THSD7A: variants seen among roughly 807,000 people sequenced by gnomAD.
The protein encoded by THSD7A is thrombospondin type 1 domain containing 7A.
In THSD7A, 96 loss-of-function variants were observed where a neutral mutation model predicts 231.3. The observed-to-expected ratio is 0.41, with a 90% CI of 0.35 to 0.49. THSD7A has a LOEUF of 0.49. Among genes scored for constraint, THSD7A ranks in the 20% least tolerant of loss-of-function variants. The probability of loss-of-function intolerance (pLI) is 0.05; values close to 1 mark genes in which losing one functional copy is unlikely to be tolerated. For synonymous variants in THSD7A, 940 were observed against 743.3 expected, an observed-to-expected ratio of 1.26 and a Z score of -4.30; for missense variants, 2,290 against 2,070.2, an observed-to-expected ratio of 1.11 and a Z score of -2.06.
chr7:11,685,198 C>T (rs1280232768), intron 1 of THSD7A, among the ~76,000 whole-genome samples: 1 of 151,788 alleles, frequency 6.6e-6, no homozygotes, highest in South Asian at 2.1e-4. Context: ...TTGACCTATA[C>T]CTCTCATCAT....
At chr7:11,675,269 C>A (rs1477637393) in intron 1 of THSD7A, among the ~76,000 whole-genome samples, 2 of 152,138 alleles carry the variant, frequency 1.3e-5, no homozygotes, top group South Asian at 2.1e-4. Context: ...TCTTCACAAC[C>A]CACAGACCAG....
At chr7:11,702,139 T>A (rs189516883) in intron 1 of THSD7A, among the ~76,000 whole-genome samples, 14 of 151,364 alleles carry the variant, frequency 9.2e-5, no homozygotes, top group African/African-American at 3.4e-4. Flanking sequence ...TCTATTGCTG[T>A]TTAACAGATC....
chr7:11,389,612 C>T (rs1782903566), intron 23 of THSD7A, among the ~76,000 whole-genome samples: 1 of 151,874 alleles, frequency 6.6e-6, no homozygotes, highest in Non-Finnish European at 1.5e-5. Context: ...GGGCATTTAG[C>T]CCATTTACAT....
At position 11,590,531 on chromosome 7, in the gene THSD7A, G is replaced by A. The variant is rs748568990; in HGVS notation, c.1382C>T (p.Thr461Ile). The part of the protein sequence containing the change: ...QTALCGGGIQ[T>I]REVYCVQANE... ...GGCCTGCACGCAGTACACCTCTCGG[G>A]TCTGGATGCCCCCTCCACAGAGGGC... Residue 461 changes from threonine to isoleucine, a missense_variant, in exon 4 of 28, where the codon ACC becomes ATC. Thr to Ile is a moderately conservative substitution (Grantham distance 89). Transcript: ENST00000423059. The surrounding 1 kb of genome is among the most constrained non-coding windows in gnomAD (Gnocchi z 4.4). 6.2e-7 allele frequency: 1 copy of A among 1,613,918 alleles called. No homozygotes were observed. The highest frequency in any genetic ancestry group is 8.5e-7 in the Non-Finnish European group (1 of 1,179,850).
chr7:11,473,839 C>G (rs745474390), intron 8 of THSD7A, among the ~76,000 whole-genome samples: 4 of 152,114 alleles, frequency 2.6e-5, no homozygotes, highest in African/African-American at 7.2e-5. Flanking sequence ...GGTTTTTACT[C>G]TAACCATTGA....
intron 24 of THSD7A, among the ~76,000 whole-genome samples, chr7:11,382,075 T>G (rs750438289): frequency 7.9e-5 from 12 of 152,156 alleles, no homozygotes; most frequent in Non-Finnish European, 1.5e-4. Flanking sequence ...AATCATAGAC[T>G]TCTGAATTTA....
intron 1 of THSD7A, among the ~76,000 whole-genome samples, chr7:11,743,333 T>C (rs1408317374): frequency 6.6e-6 from 1 of 151,906 alleles, no homozygotes; most frequent in East Asian, 1.9e-4. Context: ...TGTATAGCAA[T>C]TGAAAATAAA....
intron 23 of THSD7A, chr7:11,384,981 T>C (rs1330875286): frequency 6.6e-6 from 1 of 151,954 alleles, no homozygotes; most frequent in Non-Finnish European, 1.5e-5. Context: ...CGTTTTAGTT[T>C]CATATCTTCC....
chr7:11,496,607 G>A (rs1174019737), intron 6 of THSD7A, among the ~76,000 whole-genome samples: 1 of 152,120 alleles, frequency 6.6e-6, no homozygotes, highest in East Asian at 1.9e-4. Context: ...ACTATCTAAT[G>A]CACTAAGGAA....
At chr7:11,681,216 G>C (rs542150718) in intron 1 of THSD7A, among the ~76,000 whole-genome samples, 1 of 152,146 alleles carries the variant, frequency 6.6e-6, no homozygotes, top group South Asian at 2.1e-4. Flanking sequence ...TGGGGAGCAA[G>C]TGGAGGGATA....
chr7:11,427,566 AAT>A (rs1358024970), intron 14 of THSD7A, among the ~76,000 whole-genome samples: 2 of 152,200 alleles, frequency 1.3e-5, no homozygotes, highest in Non-Finnish European at 2.9e-5. Flanking sequence ...CACAGATTTT[AAT>A]TGCATATCTG....
intron 4 of THSD7A, among the ~76,000 whole-genome samples, chr7:11,558,227 C>G (rs1789930474): frequency 6.6e-6 from 1 of 152,020 alleles, no homozygotes; most frequent in South Asian, 2.1e-4. Flanking sequence ...CTTTCAAAGT[C>G]TTTTTATGGT....
intron 1 of THSD7A, among the ~76,000 whole-genome samples, chr7:11,706,068 G>A (rs183954304): frequency 6.6e-6 from 1 of 151,058 alleles, no homozygotes; most frequent in African/African-American, 2.4e-5. Context: ...CTTATAAAAT[G>A]TTTCAGAATT....
intron 6 of THSD7A, among the ~76,000 whole-genome samples, chr7:11,511,466 G>A (rs185230026): frequency 2.6e-5 from 4 of 152,260 alleles, no homozygotes; most frequent in Admixed American, 6.5e-5. Context: ...AAAACAGCCC[G>A]CATTGCTAAG....
At chr7:11,713,570 C>T (rs2355067) in intron 1 of THSD7A, among the ~76,000 whole-genome samples, 115,559 of 151,070 alleles carry the variant, frequency 0.76, 44,785 homozygotes, top group African/African-American at 0.9. Context: ...AGTAAAAGTC[C>T]GAACTTTATT....
intron 4 of THSD7A, among the ~76,000 whole-genome samples, chr7:11,557,249 T>C (rs1202771341): frequency 6.6e-6 from 1 of 152,128 alleles, no homozygotes; most frequent in Non-Finnish European, 1.5e-5. Flanking sequence ...CCCTCCATTA[T>C]GCTGTTAGAC....
intron 1 of THSD7A, among the ~76,000 whole-genome samples, chr7:11,678,346 G>C (rs1275141626): frequency 1.3e-5 from 2 of 152,046 alleles, no homozygotes; most frequent in Non-Finnish European, 2.9e-5. Context: ...ACTAAGATCA[G>C]AGCAGAACTG....
chr7:11,792,542 A>G (rs138096489), intron 1 of THSD7A, among the ~76,000 whole-genome samples: 135 of 151,950 alleles, frequency 8.9e-4, no homozygotes, highest in African/African-American at 3.0e-3. Context: ...ACGCAAATAC[A>G]AATTCCAGGA....
chr7:11,650,203 G>A (rs1403421625), intron 1 of THSD7A, among the ~76,000 whole-genome samples: 1 of 151,984 alleles, frequency 6.6e-6, no homozygotes, highest in Non-Finnish European at 1.5e-5. Context: ...GTTTATAATA[G>A]CTTGCTGTCA....
Sources: allele counts gnomAD v4.1 joint callset (sites outside exome capture counted in the v4.1 genomes callset), GRCh38; gene constraint gnomAD v4.1.1; non-coding constraint Gnocchi (gnomAD v3.1); transcripts MANE v1.5; gene names NCBI Gene and HGNC (gene_info 2026-07-23, HGNC 2026-07-21).